The following CDK19 variants were observed in gnomAD, a reference collection of about 807,000 sequenced individuals.
CDK19 encodes the protein cyclin-dependent kinase 19.
A neutral mutation model predicts 68.3 loss-of-function variants in CDK19; 20 were observed. The observed-to-expected ratio is 0.29, with a 90% CI of 0.21 to 0.43. The LOEUF (loss-of-function observed/expected upper bound fraction) is 0.43. Ranked by LOEUF, CDK19 falls within the 20% of genes least tolerant of loss-of-function variation. CDK19 has a pLI of 1.00. For missense variants in CDK19, 339 were observed against 623.5 expected, an observed-to-expected ratio of 0.54 and a Z score of 4.86; for synonymous variants, 221 against 222.8, an observed-to-expected ratio of 0.99 and a Z score of 0.07.
chr6:110,711,851 C>T (rs1391127443), intron 2 of CDK19, among the ~76,000 whole-genome samples: 4 of 152,324 alleles, frequency 2.6e-5, no homozygotes, highest in East Asian at 1.9e-4. Context: ...GCCTGCAGTC[C>T]TAGCTACTTG....
In CDK19 at chr6:110,621,844, T is replaced by C. The variant is rs1306707351; in HGVS notation, c.1110+244A>G. Reference sequence around the variant, plus strand: ...CCAAACAAACAGAAAGAGCAAGAAGTGGGAATCCGGGAGTAGAACTGGCTG... The same window carrying C: ...CCAAACAAACAGAAAGAGCAAGAAGCGGGAATCCGGGAGTAGAACTGGCTG... On this transcript the variant is annotated intron_variant, in intron 11 of 12. Coordinates refer to ENST00000368911, the MANE Select transcript of CDK19 (RefSeq NM_015076.5). The surrounding 1 kb of genome is among the most constrained non-coding windows in gnomAD (Gnocchi z 5.4). Among the ~76,000 whole-genome samples the C allele has an allele frequency of 6.6e-6, 1 of 152,016 alleles. No individual in the cohort carries two copies. Among genetic ancestry groups the C allele is most frequent in the Non-Finnish European group, 1.5e-5 (1 of 68,012 alleles).
chr6:110,791,236 C>A (rs1190283997), intron 1 of CDK19, among the ~76,000 whole-genome samples: 1 of 151,268 alleles, frequency 6.6e-6, no homozygotes, highest in Non-Finnish European at 1.5e-5. Flanking sequence ...TGGTTCTGAT[C>A]TGTCATGGAA....
intron 2 of CDK19, among the ~76,000 whole-genome samples, chr6:110,708,106 A>T (rs1468361121): frequency 6.6e-6 from 1 of 152,214 alleles, no homozygotes; most frequent in African/African-American, 2.4e-5. Flanking sequence ...AAAAGAGGAA[A>T]GCGCTCTTTT....
chr6:110,788,793 G>A (rs1049870039), intron 1 of CDK19, among the ~76,000 whole-genome samples: 2 of 151,938 alleles, frequency 1.3e-5, no homozygotes, highest in African/African-American at 2.4e-5. Flanking sequence ...TCTTGAAATG[G>A]TGAGCAACTG....
At chr6:110,726,900 C>T (rs1416681128) in intron 2 of CDK19, among the ~76,000 whole-genome samples, 4 of 152,154 alleles carry the variant, frequency 2.6e-5, no homozygotes, top group Non-Finnish European at 1.5e-5. Flanking sequence ...ATAAAGTCTA[C>T]AAGGTACTCT....
intron 1 of CDK19, among the ~76,000 whole-genome samples, chr6:110,779,380 G>T (rs1185034167): frequency 6.6e-6 from 1 of 152,142 alleles, no homozygotes; most frequent in Non-Finnish European, 1.5e-5. Flanking sequence ...ACAAACTCGT[G>T]TACCAAATAT....
At chr6:110,797,877 C>T (rs1307018967) in intron 1 of CDK19, among the ~76,000 whole-genome samples, 3 of 148,576 alleles carry the variant, frequency 2.0e-5, no homozygotes, top group African/African-American at 5.0e-5. Context: ...CCCAGCTAGT[C>T]GGGAGGCTGA....
chr6:110,685,258 T>G lies in CDK19; in HGVS notation c.205-14717A>C, dbSNP rs963522524. Among the ~76,000 whole-genome samples the G allele has an allele frequency of 2.9e-4, 44 of 152,234 alleles. 1 individual carries two copies. The highest frequency in any genetic ancestry group is 2.6e-3 in the Admixed American group (40 of 15,288). ...AATTAAAATAAACCCTTAACTAGTATATACACAGGTGCTCTTCTCTCTGCC... is the reference window on the plus strand; with the variant it reads ...AATTAAAATAAACCCTTAACTAGTAGATACACAGGTGCTCTTCTCTCTGCC... On this transcript the variant is annotated intron_variant, in intron 2 of 12. Coordinates refer to ENST00000368911, the MANE Select transcript of CDK19 (RefSeq NM_015076.5).
chr6:110,789,383 A>T (rs1194996528), intron 1 of CDK19, among the ~76,000 whole-genome samples: 1 of 151,720 alleles, frequency 6.6e-6, no homozygotes, highest in Non-Finnish European at 1.5e-5. Flanking sequence ...GGTTCAAGAG[A>T]TTCTCCTGCC....
chr6:110,668,263 T>G (rs1782070243), intron 3 of CDK19, among the ~76,000 whole-genome samples: 1 of 152,106 alleles, frequency 6.6e-6, no homozygotes. Flanking sequence ...CCCCTGCCTC[T>G]GTCCAAAACA....
intron 6 of CDK19, among the ~76,000 whole-genome samples, chr6:110,628,189 C>A (rs1022430583): frequency 6.6e-6 from 1 of 151,882 alleles, no homozygotes; most frequent in Non-Finnish European, 1.5e-5. Flanking sequence ...CCAGCTTGGG[C>A]GACAGAGTGA....
intron 1 of CDK19, among the ~76,000 whole-genome samples, chr6:110,753,295 GATAA>G (rs1274704726): frequency 9.2e-5 from 14 of 151,980 alleles, no homozygotes; most frequent in Admixed American, 3.3e-4. Context: ...TTCCAAGTCA[GATAA>G]ATATTTAGTA....
At chr6:110,719,972 G>GCCCCCCCCCCCCCCCC (rs1167384607) in intron 2 of CDK19, among the ~76,000 whole-genome samples, 83 of 45,552 alleles carry the variant, frequency 1.8e-3, no homozygotes, top group Admixed American at 2.2e-3. Flanking sequence ...CTTGTGATCC[G>GCCCCCCCCCCCCCCCC]CCCCCCCCCC....
chr6:110,670,585 G>C, intron 2 of CDK19, 44 bp from the exon 3 acceptor site: 1 of 1,130,486 alleles, frequency 8.8e-7, no homozygotes, highest in Middle Eastern at 1.9e-4. Context: ...TGTTAGCAAG[G>C]AGGGGGAAAT....
intron 2 of CDK19, among the ~76,000 whole-genome samples, chr6:110,731,531 G>T (rs1270625335): frequency 6.6e-6 from 1 of 152,178 alleles, no homozygotes; most frequent in Non-Finnish European, 1.5e-5. Flanking sequence ...GGTGATGGTT[G>T]CACGACGTGT....
intron 1 of CDK19, among the ~76,000 whole-genome samples, chr6:110,773,083 A>G (rs557116139): frequency 6.6e-5 from 10 of 151,808 alleles, no homozygotes; most frequent in Middle Eastern, 3.4e-3. Flanking sequence ...CTATAAAAAC[A>G]TATTTTACAA....
intron 2 of CDK19, among the ~76,000 whole-genome samples, chr6:110,740,996 G>A (rs1372112018): frequency 1.3e-5 from 2 of 152,028 alleles, no homozygotes; most frequent in Non-Finnish European, 2.9e-5. Flanking sequence ...AAAACTTAAA[G>A]ACAGACAATT....
chr6:110,802,602 T>C (rs148430032), intron 1 of CDK19, among the ~76,000 whole-genome samples: 39 of 152,220 alleles, frequency 2.6e-4, no homozygotes, highest in Non-Finnish European at 4.7e-4. Flanking sequence ...ATGGGTTCAA[T>C]ACAAGCCCAA....
Position 110,719,995 on chromosome 6 carries a change from CT to C in CDK19, c.204+26130del, listed in dbSNP as rs1375389848. Among the ~76,000 whole-genome samples the C allele has an allele frequency of 3.3e-3, 420 of 126,046 alleles. 3 individuals carry two copies. Among genetic ancestry groups the C allele is most frequent in the African/African-American group, 7.5e-3 (257 of 34,186 alleles). The allele number at this position is 126,046 out of a possible 152,430, so 82.7% of individuals were successfully genotyped here. On this transcript the variant is annotated intron_variant, in intron 2 of 12. Coordinates refer to ENST00000368911, the MANE Select transcript of CDK19 (RefSeq NM_015076.5). ...CCGCCCCCCCCCCCCCACCCCCCCCCTGCTTCGGCCTCCCAAAATGCTGGGA... is the reference window on the plus strand; with the variant it reads ...CCGCCCCCCCCCCCCCACCCCCCCCCGCTTCGGCCTCCCAAAATGCTGGGA...
Sources: allele counts gnomAD v4.1 joint callset (sites outside exome capture counted in the v4.1 genomes callset), GRCh38; gene constraint gnomAD v4.1.1; non-coding constraint Gnocchi (gnomAD v3.1); transcripts MANE v1.5; gene names NCBI Gene and HGNC (gene_info 2026-07-23, HGNC 2026-07-21).